Variants in ELFN1 observed in about 807,000 individuals in gnomAD.
ELFN1 encodes extracellular leucine rich repeat and fibronectin type III domain containing 1.
Under a neutral mutation model 7.6 loss-of-function variants are expected in ELFN1, and 6 were observed. The ratio of observed to expected loss-of-function variants is 0.79; its 90% confidence interval spans 0.43 to 1.56. The LOEUF (loss-of-function observed/expected upper bound fraction) is 1.56. Ranked by LOEUF, ELFN1 falls within the 40% of genes most tolerant of loss-of-function variation. The pLI, the probability that ELFN1 is intolerant of heterozygous loss-of-function variation, is 0.01. For synonymous variants in ELFN1, 657 were observed against 588.1 expected (o/e 1.12, Z -1.70); for missense variants, 1,169 against 1,232.2 (o/e 0.95, Z 0.77).
chr7:1,705,799 G>A lies in ELFN1; in HGVS notation c.-455-3292G>A, dbSNP rs114161351. ...CTTAGTGTCCCGGGATGGTCCTCGG[G>A]GAGGTCTGATGAGCCCCCGAATATC... On this transcript the variant is annotated intron_variant, in intron 2 of 3. Transcript: ENST00000424383. This position sits in a 1 kb window ranked among gnomAD's most constrained non-coding sequence, Gnocchi z 4.3. 0.018 allele frequency among the ~76,000 whole-genome samples: 2,748 copies of A among 152,298 alleles called. 83 individuals are homozygous for A. Among genetic ancestry groups the A allele is most frequent in the African/African-American group, 0.063 (2,598 of 41,550 alleles).
chr7:1,741,129 C>CAAA (rs34300810), intron 3 of ELFN1, among the ~76,000 whole-genome samples: 6 of 116,798 alleles, frequency 5.1e-5, no homozygotes, highest in East Asian at 2.5e-4. Context: ...GACTCTGTCT[C>CAAA]AAAAAAAAAA....
At chr7:1,707,517 C>T (rs1011947789) in intron 2 of ELFN1, among the ~76,000 whole-genome samples, 1 of 152,172 alleles carries the variant, frequency 6.6e-6, no homozygotes, top group Non-Finnish European at 1.5e-5. Flanking sequence ...TGGGAGGGGC[C>T]TTGGGCAGGA....
At chr7:1,684,657 C>T (rs553147679) in intron 1 of ELFN1, among the ~76,000 whole-genome samples, 8 of 152,270 alleles carry the variant, frequency 5.3e-5, no homozygotes, top group African/African-American at 1.9e-4. Context: ...TTAGGGACTA[C>T]AGTATGCATA....
intron 2 of ELFN1, among the ~76,000 whole-genome samples, chr7:1,694,654 G>A (rs1779261243): frequency 6.6e-6 from 1 of 152,288 alleles, no homozygotes; most frequent in South Asian, 2.1e-4. Context: ...GCACCCAGAC[G>A]CCCACCTGCC....
In ELFN1 at chr7:1,693,825, G is replaced by A. The variant is rs527551207; in HGVS notation, c.-456+5675G>A. 2.2e-4 allele frequency: 104 copies of A among 466,634 alleles called. 3 individuals are homozygous for A. In the Middle Eastern group the frequency reaches 3.3e-3, roughly 15 times the overall value. 28.9% of individuals were successfully genotyped at this position (466,634 alleles called of 1,614,324 possible). A position where few individuals can be genotyped will look rare whatever the true frequency, so the allele number is the denominator to read the frequency against. Reference sequence around the variant, plus strand: ...ACGTGGGATGGGCCTCCCCAGGGACGGCTGGGCCAATCGGGGTTCCTGGGC... The same window carrying A: ...ACGTGGGATGGGCCTCCCCAGGGACAGCTGGGCCAATCGGGGTTCCTGGGC... On this transcript the variant is annotated intron_variant, in intron 2 of 3. Transcript: ENST00000424383.
chr7:1,747,162 A>G lies in ELFN1; in HGVS notation c.*79A>G. On this transcript the variant is annotated 3_prime_UTR_variant, in exon 4 of 4. Coordinates refer to ENST00000424383, the MANE Select transcript of ELFN1 (RefSeq NM_001128636.4). ...AGAGACTCAGCACCAAACCCAACAC[A>G]CGCACGCCACCACAGCAACTGTGAC... 5 of 1,324,906 alleles carry G rather than the reference A, an allele frequency of 3.8e-6. No individual in the cohort carries two copies. Among genetic ancestry groups the G allele is most frequent in the Non-Finnish European group, 4.9e-6 (5 of 1,010,450 alleles). 82.1% of individuals were successfully genotyped at this position (1,324,906 alleles called of 1,614,324 possible).
In ELFN1 at chr7:1,747,297, C is replaced by T. The variant is rs946108349; in HGVS notation, c.*214C>T. ...GATGCGCTTGTCGCCCCGGGTGGCA[C>T]GTGTCCACACACACACACACACACA... is the stretch of plus-strand genomic sequence containing the variant. On this transcript the variant is annotated 3_prime_UTR_variant, in exon 4 of 4. Coordinates refer to ENST00000424383, the MANE Select transcript of ELFN1 (RefSeq NM_001128636.4). 2 of 367,278 alleles carry T rather than the reference C, an allele frequency of 5.4e-6. No homozygotes were observed. The highest frequency in any genetic ancestry group is 5.6e-5 in the Admixed American group (1 of 17,712). 22.8% of individuals were successfully genotyped at this position (367,278 alleles called of 1,614,324 possible).
chr7:1,678,903 C>T (rs1379966216), intron 1 of ELFN1, among the ~76,000 whole-genome samples: 1 of 152,294 alleles, frequency 6.6e-6, no homozygotes, highest in Admixed American at 6.5e-5. Context: ...GGATTTGGAG[C>T]ACGGGTGATG....
chr7:1,674,685 C>G (rs1324772668), intron 1 of ELFN1, among the ~76,000 whole-genome samples: 1 of 152,138 alleles, frequency 6.6e-6, no homozygotes, highest in Admixed American at 6.5e-5. Context: ...AGTTCCAGGA[C>G]AGACTCGGGC....
At chr7:1,737,890 GT>G (rs1346811886) in intron 3 of ELFN1, among the ~76,000 whole-genome samples, 1 of 152,150 alleles carries the variant, frequency 6.6e-6, no homozygotes, top group Non-Finnish European at 1.5e-5. Flanking sequence ...TTCTGTGTCT[GT>G]CCCCCTGATC....
intron 1 of ELFN1, among the ~76,000 whole-genome samples, chr7:1,678,819 G>A (rs1778920683): frequency 6.6e-6 from 1 of 152,242 alleles, no homozygotes; most frequent in Non-Finnish European, 1.5e-5. Context: ...GGCTTAGCGA[G>A]TGAGGGAATA....
chr7:1,673,880 C>T lies in ELFN1; in HGVS notation c.-549+3526C>T, dbSNP rs1348703077. ...CAGGCCTCCACACCTGTAGAGCTGT[C>T]CTGGGGCAGCTGGGGTCTTGGTCTT... On this transcript the variant is annotated intron_variant, in intron 1 of 3. Transcript: ENST00000424383. The surrounding 1 kb of genome is among the most constrained non-coding windows in gnomAD (Gnocchi z 4.7). Among the ~76,000 whole-genome samples the T allele has an allele frequency of 3.3e-5, 5 of 152,196 alleles. No individual in the cohort carries two copies. Among genetic ancestry groups the T allele is most frequent in the African/African-American group, 1.2e-4 (5 of 41,444 alleles).
At chr7:1,708,557 G>C (rs1779585235) in intron 2 of ELFN1, among the ~76,000 whole-genome samples, 1 of 152,218 alleles carries the variant, frequency 6.6e-6, no homozygotes, top group African/African-American at 2.4e-5. Context: ...GTGCCAGGGA[G>C]AGGGCCCTGC....
chr7:1,737,252 C>T (rs1296981857), intron 3 of ELFN1, among the ~76,000 whole-genome samples: 1 of 152,212 alleles, frequency 6.6e-6, no homozygotes, highest in Non-Finnish European at 1.5e-5. Flanking sequence ...CTCCTCTTTC[C>T]CTGCAGGCCC....
chr7:1,703,771 C>T (rs1680001491), intron 2 of ELFN1, among the ~76,000 whole-genome samples: 2 of 152,150 alleles, frequency 1.3e-5, no homozygotes, highest in African/African-American at 2.4e-5. Context: ...AGTTTCAGTC[C>T]AAAGCAAAGA....
chr7:1,672,217 C>A (rs2128572827), intron 1 of ELFN1, among the ~76,000 whole-genome samples: 1 of 152,298 alleles, frequency 6.6e-6, no homozygotes, highest in Non-Finnish European at 1.5e-5. Context: ...ATGTGGTGGG[C>A]ACCTGCACCC....
rs571977372 is a variant in ELFN1 at position 1,726,058 on chromosome 7, TAC to T, written c.-294+16818_-294+16819del. The stretch of plus-strand genomic sequence containing the variant: ...GCGCAAAAATCACACTCACACACAA[TAC>T]ACACACACACAATACACACACAAAA... On this transcript the variant is annotated intron_variant, in intron 3 of 3. Coordinates refer to ENST00000424383, the MANE Select transcript of ELFN1 (RefSeq NM_001128636.4). Among the ~76,000 whole-genome samples the T allele has an allele frequency of 4.3e-3, 647 of 151,302 alleles. 1 individual carries two copies. Among genetic ancestry groups the T allele is most frequent in the Middle Eastern group, 0.024 (7 of 292 alleles).
intron 2 of ELFN1, chr7:1,693,799 C>G: frequency 2.1e-6 from 1 of 470,274 alleles, no homozygotes; most frequent in Non-Finnish European, 4.4e-6. Flanking sequence ...GGGTGCGGGA[C>G]ACGTGGGATG....
intron 2 of ELFN1, among the ~76,000 whole-genome samples, chr7:1,701,623 A>T (rs1779429821): frequency 6.6e-6 from 1 of 151,784 alleles, no homozygotes; most frequent in African/African-American, 2.4e-5. Context: ...CAGCCTAGGC[A>T]ACATGGCAAG....
Sources: gnomAD v4.1 joint callset for allele counts (sites outside exome capture counted in the v4.1 genomes callset) on GRCh38, gnomAD v4.1.1 for gene constraint, Gnocchi (gnomAD v3.1) non-coding constraint, MANE v1.5 for transcripts, NCBI Gene and HGNC (gene_info 2026-07-23, HGNC 2026-07-21) for gene names.